Variants in OXCT1 observed in about 807,000 individuals in gnomAD.
The protein encoded by OXCT1 is succinyl-CoA:3-ketoacid coenzyme A transferase 1, mitochondrial.
A neutral mutation model predicts 69.6 loss-of-function variants in OXCT1; 27 were observed. That is an observed-to-expected ratio of 0.39 (90% confidence interval 0.29 to 0.54). The LOEUF is 0.54. OXCT1 is among the 20% of genes least tolerant of loss of function. The pLI is 0.72. For missense variants in OXCT1, 437 were observed against 650.2 expected (o/e 0.67, Z 3.57); for synonymous variants, 202 against 217.8 (o/e 0.93, Z 0.64).
intron 11 of OXCT1, among the ~76,000 whole-genome samples, chr5:41,797,037 C>T (rs1222532825): frequency 6.6e-6 from 1 of 152,170 alleles, no homozygotes; most frequent in African/African-American, 2.4e-5. Context: ...GACACAATGT[C>T]TATAACCTGC....
intron 7 of OXCT1, among the ~76,000 whole-genome samples, chr5:41,830,312 TTTC>T (rs1225231354): frequency 6.6e-6 from 1 of 152,210 alleles, no homozygotes; most frequent in African/African-American, 2.4e-5. Context: ...AAGGAAGGTA[TTTC>T]TTTTTTCCAT....
At chr5:41,793,930 G>T (rs749196791) in intron 13 of OXCT1, 73 bp downstream of exon 13, 1 of 874,636 alleles carries the variant, frequency 1.1e-6, no homozygotes, top group Non-Finnish European at 2.0e-6. Context: ...TGATCTCATG[G>T]CCCTTTTTCT....
intron 16 of OXCT1, among the ~76,000 whole-genome samples, chr5:41,738,194 C>T (rs1208007235): frequency 2.0e-5 from 3 of 152,196 alleles, no homozygotes; most frequent in Non-Finnish European, 2.9e-5. Flanking sequence ...GTAACATTAA[C>T]ATATTTTCTT....
At chr5:41,851,143 G>T (rs954505730) in intron 4 of OXCT1, among the ~76,000 whole-genome samples, 1 of 152,118 alleles carries the variant, frequency 6.6e-6, no homozygotes, top group African/African-American at 2.4e-5. Context: ...AGAAAAAAAA[G>T]AATTGGTTCA....
intron 14 of OXCT1, among the ~76,000 whole-genome samples, chr5:41,760,610 C>T (rs993375961): frequency 3.3e-5 from 5 of 152,028 alleles, no homozygotes; most frequent in Admixed American, 2.6e-4. Flanking sequence ...TCAGTGCCTT[C>T]GTGTGTCAAT....
intron 15 of OXCT1, among the ~76,000 whole-genome samples, chr5:41,742,459 G>C (rs902033084): frequency 3.9e-5 from 6 of 152,114 alleles, no homozygotes; most frequent in African/African-American, 1.4e-4. Flanking sequence ...GTGCTGGTGA[G>C]GAATGCATCT....
chr5:41,828,217 C>T (rs1262015223), intron 7 of OXCT1, among the ~76,000 whole-genome samples: 1 of 152,168 alleles, frequency 6.6e-6, no homozygotes, highest in East Asian at 1.9e-4. Context: ...AAGCAATTCT[C>T]CTGCCTCAGC....
intron 7 of OXCT1, among the ~76,000 whole-genome samples, chr5:41,829,026 A>T (rs1366544724): frequency 6.6e-6 from 1 of 152,194 alleles, no homozygotes; most frequent in Non-Finnish European, 1.5e-5. Context: ...AGAAAAAAAA[A>T]TGTTCTATAC....
rs1744411543 is a variant in OXCT1 at position 41,762,820 on chromosome 5, A to G, written c.1249-620T>C. Among the ~76,000 whole-genome samples, 1 of 152,110 alleles carries G rather than the reference A, an allele frequency of 6.6e-6. No individual in the cohort carries two copies. Among genetic ancestry groups the G allele is most frequent in the Non-Finnish European group, 1.5e-5 (1 of 68,008 alleles). On this transcript the variant is annotated intron_variant, in intron 13 of 16. Coordinates refer to ENST00000196371, the MANE Select transcript of OXCT1 (RefSeq NM_000436.4). The surrounding 1 kb of genome is among the most constrained non-coding windows in gnomAD (Gnocchi z 4.0). The stretch of plus-strand genomic sequence containing the variant: ...AGTTCAGGATCATTTCACCATTATC[A>G]TTCTATTTTTGATCATCTGGCCATC...
At chr5:41,751,194 T>C (rs190262598) in intron 14 of OXCT1, among the ~76,000 whole-genome samples, 14 of 152,242 alleles carry the variant, frequency 9.2e-5, no homozygotes, top group Admixed American at 8.5e-4. Context: ...TTACATTTAA[T>C]ATAAATCAAG....
chr5:41,870,029 C>G lies in OXCT1; in HGVS notation c.78+252G>C. ...AGGAGTCCTCCCGCCCCTTCTCAGC[C>G]TCTCCGCGCGCTTCTTTATCGCGTC... On this transcript the variant is annotated intron_variant, in intron 1 of 16. Coordinates refer to ENST00000196371, the MANE Select transcript of OXCT1 (RefSeq NM_000436.4). This position sits in a 1 kb window ranked among gnomAD's most constrained non-coding sequence, Gnocchi z 4.2. 1 of 532,210 alleles carries G rather than the reference C, an allele frequency of 1.9e-6. No individual in the cohort carries two copies. Among genetic ancestry groups the G allele is most frequent in the Non-Finnish European group, 3.4e-6 (1 of 293,250 alleles). 33.0% of individuals were successfully genotyped at this position (532,210 alleles called of 1,614,324 possible).
chr5:41,862,953 GT>G (rs1022054715), intron 1 of OXCT1, among the ~76,000 whole-genome samples: 2 of 152,002 alleles, frequency 1.3e-5, no homozygotes, highest in African/African-American at 4.8e-5. Flanking sequence ...CATACATGGT[GT>G]TTTTATATGG....
rs935627659 is a variant in OXCT1 at position 41,730,424 on chromosome 5, A to C, written c.*1305T>G. 3.3e-5 allele frequency: 5 copies of C among 152,258 alleles called. No homozygotes were observed. Among genetic ancestry groups the C allele is most frequent in the African/African-American group, 4.8e-5 (2 of 41,470 alleles). 9.4% of individuals were successfully genotyped at this position (152,258 alleles called of 1,614,324 possible). The stretch of plus-strand genomic sequence containing the variant: ...CACAATTGTAGCTACACCTGAAAAG[A>C]AGTGAGTTTCAATGACCATCATCAC... On this transcript the variant is annotated 3_prime_UTR_variant, in exon 17 of 17. Transcript: ENST00000196371.
chr5:41,748,205 A>C (rs1291218874), intron 15 of OXCT1, among the ~76,000 whole-genome samples: 1 of 152,060 alleles, frequency 6.6e-6, no homozygotes, highest in Non-Finnish European at 1.5e-5. Context: ...CATCATGAAG[A>C]GGGAAAATGC....
intron 5 of OXCT1, among the ~76,000 whole-genome samples, chr5:41,845,676 TG>T (rs1161165130): frequency 6.6e-6 from 1 of 152,142 alleles, no homozygotes; most frequent in Admixed American, 6.6e-5. Context: ...CAGGCAGAAA[TG>T]AACCTAAGAA....
intron 13 of OXCT1, among the ~76,000 whole-genome samples, chr5:41,787,517 TGA>T (rs1745697283): frequency 2.7e-5 from 4 of 149,898 alleles, no homozygotes; most frequent in Non-Finnish European, 5.9e-5. Context: ...TTATACAGAG[TGA>T]GAGCTCAGAT....
intron 7 of OXCT1, among the ~76,000 whole-genome samples, chr5:41,817,048 A>G (rs954511122): frequency 6.6e-6 from 1 of 152,220 alleles, no homozygotes; most frequent in African/African-American, 2.4e-5. Context: ...AATCCAAAAT[A>G]TCTTCCTGGC....
intron 5 of OXCT1, 42 bp downstream of exon 5, chr5:41,849,988 A>T: frequency 6.2e-7 from 1 of 1,606,328 alleles, no homozygotes; most frequent in Non-Finnish European, 8.5e-7. Context: ...TCCCACGTGG[A>T]AAGAGGGATC....
chr5:41,858,709 T>A (rs1749571152), intron 3 of OXCT1, among the ~76,000 whole-genome samples: 1 of 152,236 alleles, frequency 6.6e-6, no homozygotes. Context: ...TGAAATCTCA[T>A]TAATTGGCAA....
Sources: gnomAD v4.1 joint callset for allele counts (sites outside exome capture counted in the v4.1 genomes callset) on GRCh38, gnomAD v4.1.1 for gene constraint, Gnocchi (gnomAD v3.1) non-coding constraint, MANE v1.5 for transcripts, NCBI Gene and HGNC (gene_info 2026-07-23, HGNC 2026-07-21) for gene names.